Variants in ABL1 observed in about 807,000 individuals in gnomAD.
The protein encoded by ABL1 is tyrosine-protein kinase ABL1.
ABL1 carries 11 observed loss-of-function variants against 94.7 expected under a neutral mutation model. That is an observed-to-expected ratio of 0.12 (90% confidence interval 0.07 to 0.19). The LOEUF (loss-of-function observed/expected upper bound fraction) is 0.19. ABL1 is among the 10% of genes least tolerant of loss of function. ABL1 has a pLI of 1.00. For missense variants in ABL1, 1,082 were observed against 1,489.4 expected (o/e 0.73, Z 4.50); for synonymous variants, 656 against 622.4 (o/e 1.05, Z -0.80).
At chr9:130,745,166 C>T (rs539782675) in intron 1 of ABL1, among the ~76,000 whole-genome samples, 2 of 149,656 alleles carry the variant, frequency 1.3e-5, no homozygotes, top group African/African-American at 4.9e-5. Context: ...CTTACTGCAA[C>T]CTCCACCTCC....
At chr9:130,859,580 T>C (rs1831031128) in intron 3 of ABL1, among the ~76,000 whole-genome samples, 1 of 149,968 alleles carries the variant, frequency 6.7e-6, no homozygotes, top group Admixed American at 6.7e-5. Flanking sequence ...GAGGTGGGAC[T>C]CCCGGGCCCA....
In ABL1 at chr9:130,783,724, C is replaced by T. The variant is rs541496416; in HGVS notation, c.136+69269C>T. On this transcript the variant is annotated intron_variant, in intron 1 of 10. Transcript: ENST00000372348. ...AGGCTGGAGTGCAGTGGCGCAGTCT[C>T]CACTCACTGCAACCTCTGCCTCCTG... 5.3e-5 allele frequency among the ~76,000 whole-genome samples: 8 copies of T among 152,144 alleles called. No individual in the cohort carries two copies. The South Asian group carries it at 1.2e-3, about 24-fold the overall frequency.
At chr9:130,715,879 T>C (rs1386077449) in intron 1 of ABL1, among the ~76,000 whole-genome samples, 2 of 152,130 alleles carry the variant, frequency 1.3e-5, no homozygotes, top group Non-Finnish European at 2.9e-5. Flanking sequence ...AGGTCTTGTC[T>C]CTTTTGCTGT....
intron 3 of ABL1, among the ~76,000 whole-genome samples, chr9:130,858,403 AC>A (rs1226660600): frequency 2.6e-5 from 4 of 152,018 alleles, no homozygotes; most frequent in African/African-American, 9.7e-5. Flanking sequence ...GGCAGTGTCC[AC>A]CATTGGGCAA....
At chr9:130,842,387 C>A (rs1162231789) in intron 1 of ABL1, among the ~76,000 whole-genome samples, 1 of 152,250 alleles carries the variant, frequency 6.6e-6, no homozygotes, top group Non-Finnish European at 1.5e-5. Context: ...ACTTTAACCT[C>A]ATTACTCTTA....
chr9:130,884,914 T>C lies in ABL1; in HGVS notation c.2624T>C (p.Val875Ala). 6.2e-7 allele frequency: 1 copy of C among 1,611,264 alleles called. No homozygotes were observed. The change falls in exon 11 of 11, where the codon GTG becomes GCG. Residue 875 changes from valine (V) to alanine (A), a missense_variant. Transcript: ENST00000318560. The surrounding 1 kb of genome is among the most constrained non-coding windows in gnomAD (Gnocchi z 5.6). ...AAGGGCCCCGCCGAGGAGTCCAGAG[T>C]GAGGAGGCACAAGCACTCCTCTGAG... ...TSKGPAEESRVRRHKHSSESP... is the reference protein window; with the variant it reads ...TSKGPAEESRARRHKHSSESP...
chr9:130,764,824 C>T (rs966112075), intron 1 of ABL1, among the ~76,000 whole-genome samples: 17 of 152,078 alleles, frequency 1.1e-4, no homozygotes, highest in Admixed American at 5.9e-4. Flanking sequence ...GGCGTGGTGG[C>T]GCATGCCTGT....
At chr9:130,859,619 C>T (rs1241428140) in intron 3 of ABL1, among the ~76,000 whole-genome samples, 4 of 150,208 alleles carry the variant, frequency 2.7e-5, no homozygotes, top group African/African-American at 9.8e-5. Flanking sequence ...CAAGTCTAAG[C>T]TCCGTTAGGC....
chr9:130,725,936 C>A (rs1410839217), intron 1 of ABL1, among the ~76,000 whole-genome samples: 1 of 143,942 alleles, frequency 6.9e-6, no homozygotes, highest in Non-Finnish European at 1.5e-5. Flanking sequence ...ACAACCTTGA[C>A]CTCCCGGGCT....
At chr9:130,770,187 T>C (rs970703363) in intron 1 of ABL1, among the ~76,000 whole-genome samples, 2 of 149,108 alleles carry the variant, frequency 1.3e-5, no homozygotes, top group African/African-American at 4.9e-5. Context: ...CTCTCTCTCT[T>C]TTTTTTTTAA....
chr9:130,882,737 T>C (rs925154655), intron 10 of ABL1, among the ~76,000 whole-genome samples: 14 of 152,098 alleles, frequency 9.2e-5, no homozygotes, highest in Admixed American at 6.5e-4. Flanking sequence ...GGTTTCATCA[T>C]GTTGGCCAGG....
At chr9:130,771,668 A>G (rs1326835650) in intron 1 of ABL1, among the ~76,000 whole-genome samples, 2 of 151,800 alleles carry the variant, frequency 1.3e-5, no homozygotes, top group African/African-American at 4.8e-5. Flanking sequence ...CTTAAGTCAT[A>G]CTGGGATAGC....
chr9:130,821,262 C>T (rs1025306428), intron 1 of ABL1, among the ~76,000 whole-genome samples: 5 of 152,146 alleles, frequency 3.3e-5, no homozygotes, highest in Non-Finnish European at 7.4e-5. Flanking sequence ...TTCCAGCATC[C>T]CCAAAAGATC....
chr9:130,754,238 G>T (rs1283676752), intron 1 of ABL1, among the ~76,000 whole-genome samples: 1 of 150,248 alleles, frequency 6.7e-6, no homozygotes, highest in Non-Finnish European at 1.5e-5. Context: ...ACCAGGCGTG[G>T]TGGCTCACGC....
intron 1 of ABL1, among the ~76,000 whole-genome samples, chr9:130,844,711 GACTC>G (rs1319430325): frequency 2.0e-5 from 3 of 152,174 alleles, no homozygotes; most frequent in Non-Finnish European, 2.9e-5. Flanking sequence ...TGAGGCAGGA[GACTC>G]ACTTGAACCC....
chr9:130,790,488 T>G (rs1305157084), intron 1 of ABL1, among the ~76,000 whole-genome samples: 1 of 130,664 alleles, frequency 7.7e-6, no homozygotes, highest in Non-Finnish European at 1.6e-5. Flanking sequence ...TTTATTTATT[T>G]ATTTATTTAT....
chr9:130,803,285 G>T (rs1423984497), intron 1 of ABL1, among the ~76,000 whole-genome samples: 2 of 152,126 alleles, frequency 1.3e-5, no homozygotes, highest in Non-Finnish European at 2.9e-5. Flanking sequence ...TGCTCTACCC[G>T]CCTCAGCCTC....
intron 1 of ABL1, among the ~76,000 whole-genome samples, chr9:130,842,617 A>G (rs1216924088): frequency 1.3e-5 from 2 of 152,226 alleles, no homozygotes; most frequent in East Asian, 3.8e-4. Flanking sequence ...TTTCTGGGGA[A>G]ATTGCCTGTC....
At chr9:130,748,865 C>T (rs879271185) in intron 1 of ABL1, among the ~76,000 whole-genome samples, 13 of 152,226 alleles carry the variant, frequency 8.5e-5, no homozygotes, top group Middle Eastern at 3.2e-3. Flanking sequence ...GCGTGAGCCA[C>T]TGCGCTTGGC....
Sources: gnomAD v4.1 joint callset for allele counts (sites outside exome capture counted in the v4.1 genomes callset) on GRCh38, gnomAD v4.1.1 for gene constraint, Gnocchi (gnomAD v3.1) non-coding constraint, MANE v1.5 for transcripts, NCBI Gene and HGNC (gene_info 2026-07-23, HGNC 2026-07-21) for gene names.